Variants in TOPBP1 observed in about 807,000 individuals in gnomAD.
The protein encoded by TOPBP1 is DNA topoisomerase II binding protein 1, also known as DNA topoisomerase 2-binding protein 1.
In TOPBP1, 28 loss-of-function variants were observed where a neutral mutation model predicts 167.7. The observed-to-expected ratio is 0.17, with a 90% confidence interval of 0.12 to 0.23. TOPBP1 has a LOEUF of 0.23. Ranked by LOEUF, TOPBP1 falls within the 10% of genes least tolerant of loss-of-function variation. The pLI is 1.00. For synonymous variants in TOPBP1, 598 were observed against 611.4 expected (o/e 0.98, Z 0.32); for missense variants, 1,554 against 1,809.6 (o/e 0.86, Z 2.56).
intron 8 of TOPBP1, 88 bp from the exon 9 acceptor site, chr3:133,650,031 AAAT>A: frequency 9.0e-7 from 1 of 1,114,798 alleles, no homozygotes; most frequent in Non-Finnish European, 1.2e-6. Context: ...CACTGTGTAT[AAAT>A]AAGACAACTT....
At chr3:133,614,816 G>C (rs544953470) in intron 23 of TOPBP1, among the ~76,000 whole-genome samples, 4 of 139,214 alleles carry the variant, frequency 2.9e-5, no homozygotes, top group Non-Finnish European at 6.2e-5. Flanking sequence ...TTTCCACACC[G>C]GGGCCTGTCC....
chr3:133,640,376 T>C (rs898707051), intron 12 of TOPBP1, among the ~76,000 whole-genome samples: 9 of 152,186 alleles, frequency 5.9e-5, no homozygotes, highest in African/African-American at 1.7e-4. Context: ...TGTAACAAAC[T>C]TTTTATAAAA....
rs1053294930 is a variant in TOPBP1, at chr3:133,620,482, T to C, written c.3179-135A>G. On this transcript the variant is annotated intron_variant, in intron 19 of 27. Coordinates refer to ENST00000260810, the MANE Select transcript of TOPBP1 (RefSeq NM_007027.4). ...TTTACTGAATATTAACTACAGGCTA[T>C]AGTAATGTACTAAAACTATGAATAC... 1.6e-5 allele frequency: 14 copies of C among 868,224 alleles called. No individual in the cohort carries two copies. In the Middle Eastern group the frequency reaches 1.3e-3, roughly 78 times the overall value. 53.8% of individuals were successfully genotyped at this position (868,224 alleles called of 1,614,324 possible). A position where few individuals can be genotyped will look rare whatever the true frequency, so the allele number is the denominator to read the frequency against.
rs745481801 is a variant in TOPBP1, at chr3:133,628,567, G to A, written c.2687C>T (p.Ser896Leu). The A allele has an allele frequency of 6.8e-6, 11 of 1,611,158 alleles. No individual in the cohort carries two copies. The Admixed American group carries it at 1.8e-4, about 27-fold the overall frequency. ...SASPQLKEAQ[S>L]EKEEAPKPLH... is the part of the protein sequence containing the mutation. ...TAAGAGAACTAATCCTACCTTCTCT[G>A]ACTGGGCCTCTTTCAGTTGAGGGCT... The change falls in exon 15 of 28, where the codon TCA (serine) becomes TTA (leucine). Residue 896 changes from serine to leucine, a missense_variant. Physicochemically the swap from Ser to Leu is moderately radical, Grantham distance 145. Around this residue, in one of 3 missense-constraint regions of TOPBP1, gnomAD observed 1,197 missense variants for 1,351.5 expected, o/e 0.89. Transcript: ENST00000260810.
intron 20 of TOPBP1, among the ~76,000 whole-genome samples, chr3:133,619,762 C>T (rs547594780): frequency 4.6e-5 from 7 of 152,230 alleles, no homozygotes; most frequent in East Asian, 1.9e-4. Context: ...TCTTTCTCAA[C>T]GGAGGTAATA....
rs750736959 is a variant in TOPBP1 at position 133,628,387 on chromosome 3, C to A, written c.2779G>T (p.Ala927Ser). The change falls in exon 16 of 28, where the codon GCA (alanine) becomes TCA (serine). Residue 927 changes from alanine (A) to serine (S), a missense_variant. Ala to Ser is a moderately conservative substitution (Grantham distance 99, BLOSUM62 1). Transcript: ENST00000260810. ...SKKQSELNGI[A>S]ASLGADYRWS... ...CTGTAATCTGCTCCTAGAGAGGCTG[C>A]GATCCCATTTAGTTCACTCTGCTTC... 1.9e-6 allele frequency: 3 copies of A among 1,604,534 alleles called. No homozygotes were observed. The African/African-American group carries it at 4.0e-5, about 21-fold the overall frequency.
At chr3:133,606,579 T>C (rs1934499996) in intron 27 of TOPBP1, among the ~76,000 whole-genome samples, 1 of 140,954 alleles carries the variant, frequency 7.1e-6, no homozygotes, top group South Asian at 2.2e-4. Context: ...AACAGCTAAA[T>C]AACCTTGAAA....
At chr3:133,604,633 ACTCCAGGCCGGGTGCAGTGG>A (rs1934430780) in intron 27 of TOPBP1, among the ~76,000 whole-genome samples, 2 of 151,440 alleles carry the variant, frequency 1.3e-5, no homozygotes, top group South Asian at 4.2e-4. Flanking sequence ...TATAAAGAAA[ACTCCAGGCCGGGTGCAGTGG>A]CTCACGCCTG....
chr3:133,621,379 A>G lies in TOPBP1; in HGVS notation c.3179-1032T>C, dbSNP rs187085135. Among the ~76,000 whole-genome samples, 7 of 152,330 alleles carry G rather than the reference A, an allele frequency of 4.6e-5. No individual in the cohort carries two copies. The East Asian group carries it at 1.2e-3, about 25-fold the overall frequency. On this transcript the variant is annotated intron_variant, in intron 19 of 27. Coordinates refer to ENST00000260810, the MANE Select transcript of TOPBP1 (RefSeq NM_007027.4). ...AGCCCTCCACATCCACCGGTTCTGCATGCATGGATTCAACCAAGTATGGAT... is the reference window on the plus strand; with the variant it reads ...AGCCCTCCACATCCACCGGTTCTGCGTGCATGGATTCAACCAAGTATGGAT...
chr3:133,624,053 T>C lies in TOPBP1; in HGVS notation c.2927A>G (p.Asp976Gly), dbSNP rs1274309047. ...VHIVSEHWLL[D>G]CAQECKHLPE... ...GGGGGGGAAAAAAGCACTGCTTACA[T>C]CTAAAAGCCAGTGCTCGGAAACAAT... The change falls in exon 17 of 28, where the codon GAT becomes GGT. Residue 976 changes from aspartate to glycine, a missense_variant and splice_region_variant. By Grantham distance (94) the Asp-to-Gly change is moderately conservative. This residue lies in a region of TOPBP1 where 1,197 missense variants were observed against 1,351.5 expected (regional missense o/e 0.89). Transcript: ENST00000260810. 3.1e-6 allele frequency: 5 copies of C among 1,612,360 alleles called. No homozygotes were observed. The highest frequency in any genetic ancestry group is 1.7e-4 in the Middle Eastern group (1 of 6,054).
chr3:133,625,124 A>G (rs6806750), intron 16 of TOPBP1, among the ~76,000 whole-genome samples: 112,721 of 152,034 alleles, frequency 0.74, 42,079 homozygotes, highest in Middle Eastern at 0.79. Context: ...ACGCCACCAC[A>G]CCCAGCTAAT....
At chr3:133,612,685 T>G in intron 23 of TOPBP1, 133 bp from the exon 24 acceptor site, 3 of 648,024 alleles carry the variant, frequency 4.6e-6, no homozygotes, top group Admixed American at 3.5e-5. Context: ...AAACTTGACT[T>G]ACTTAGAATT....
chr3:133,634,354 C>G (rs9881110), intron 14 of TOPBP1, among the ~76,000 whole-genome samples: 2 of 152,012 alleles, frequency 1.3e-5, no homozygotes, highest in East Asian at 3.9e-4. Context: ...ACTAAAAATA[C>G]AAAAATTAGC....
At chr3:133,612,331 C>T (rs1033001628) in intron 24 of TOPBP1, 58 bp downstream of exon 24, 2 of 1,594,176 alleles carry the variant, frequency 1.3e-6, no homozygotes, top group African/African-American at 2.7e-5. Flanking sequence ...TGAGCCACTG[C>T]ACCCGGTGGA....
rs1425796372 is a variant in TOPBP1, at chr3:133,608,916, C to T, written c.4220G>A (p.Arg1407Gln). The T allele has an allele frequency of 4.3e-6, 7 of 1,613,328 alleles. No homozygotes were observed. The highest frequency in any genetic ancestry group is 2.2e-5 in the East Asian group (1 of 44,872). The change falls in exon 26 of 28, where the codon CGA becomes CAA. Residue 1407 changes from arginine (R) to glutamine (Q), a missense_variant. By Grantham distance (43) the Arg-to-Gln change is conservative. Around this residue, in one of 3 missense-constraint regions of TOPBP1, gnomAD observed 351 missense variants for 432.9 expected, o/e 0.81. Coordinates refer to ENST00000260810, the MANE Select transcript of TOPBP1 (RefSeq NM_007027.4). Reference sequence around the variant, plus strand: ...AAGAAGGCGTTTGAAGCCTGCTTCTCGAGACTGATCCACATGTAAAATAAC... The same window carrying T: ...AAGAAGGCGTTTGAAGCCTGCTTCTTGAGACTGATCCACATGTAAAATAAC... ...WKVILHVDQSREAGFKRLLQS... is the reference protein window; with the variant it reads ...WKVILHVDQSQEAGFKRLLQS...
At chr3:133,608,848 G>A in intron 26 of TOPBP1, 25 bp downstream of exon 26, 6 of 1,593,548 alleles carry the variant, frequency 3.8e-6, no homozygotes, top group Non-Finnish European at 5.1e-6. Context: ...ATGTAAAAAG[G>A]TCAGTAAATT....
chr3:133,644,360 T>A lies in TOPBP1; in HGVS notation c.1508A>T (p.Glu503Val), dbSNP rs777855448. ...QYENGSSTVV[E>V]AKTSEARPFN... Reference sequence around the variant, plus strand: ...GGGCCTGGCTTCAGACGTCTTAGCCTCAACTGAAAGAGAAAAGTAAATGTT... The same window carrying A: ...GGGCCTGGCTTCAGACGTCTTAGCCACAACTGAAAGAGAAAAGTAAATGTT... Residue 503 changes from glutamate to valine, a missense_variant, in exon 11 of 28, where the codon GAG becomes GTG. Transcript: ENST00000260810. 6.4e-7 allele frequency: 1 copy of A among 1,557,092 alleles called. No individual in the cohort carries two copies. Among genetic ancestry groups the A allele is most frequent in the South Asian group, 1.2e-5 (1 of 82,550 alleles).
chr3:133,656,750 T>C lies in TOPBP1; in HGVS notation c.471A>G (p.Leu157=). Residue 157 remains leucine (L), a synonymous_variant, in exon 5 of 28, where the codon TTA becomes TTG. Coordinates refer to ENST00000260810, the MANE Select transcript of TOPBP1 (RefSeq NM_007027.4). ...IAGEVGSKKY[L]VAANLKKPIL... is the part of the protein sequence containing the mutation. ...TAGGTTTCTTCAGGTTTGCAGCAAC[T>C]AAATATTTTTTGCTACCAACTTCTC... The C allele has an allele frequency of 6.2e-7, 1 of 1,613,026 alleles. No individual in the cohort carries two copies. The highest frequency in any genetic ancestry group is 8.5e-7 in the Non-Finnish European group (1 of 1,179,536).
At position 133,640,046 on chromosome 3, in the gene TOPBP1, C is replaced by T. The variant is rs376746791; in HGVS notation, c.2146G>A (p.Val716Ile). Residue 716 changes from valine (V) to isoleucine (I), a missense_variant, in exon 13 of 28, where the codon GTT becomes ATT. By Grantham distance (29) the Val-to-Ile change is conservative (BLOSUM62 3). This residue lies in a region of TOPBP1 where 1,197 missense variants were observed against 1,351.5 expected (regional missense o/e 0.89). Coordinates refer to ENST00000260810, the MANE Select transcript of TOPBP1 (RefSeq NM_007027.4). ...GTCTCCAACAGCCAAGCTATAGTAA[C>T]GGCAGGTAAATTCCACTTCTTTGCA... The part of the protein sequence containing the change: ...EAAKKWNLPA[V>I]TIAWLLETAR... The T allele has an allele frequency of 1.2e-4, 189 of 1,613,852 alleles. 2 individuals are homozygous for T. In the South Asian group the frequency reaches 1.5e-3, roughly 13 times the overall value.
Sources: allele counts gnomAD v4.1 joint callset (sites outside exome capture counted in the v4.1 genomes callset), GRCh38; gene constraint gnomAD v4.1.1; regional missense constraint gnomAD v4.1.1; transcripts MANE v1.5; gene names NCBI Gene and HGNC (gene_info 2026-07-23, HGNC 2026-07-21).